Variants in SNTG2 observed in about 807,000 individuals in gnomAD.
SNTG2 encodes syntrophin gamma 2, also known as gamma-2-syntrophin.
A neutral mutation model predicts 70.9 loss-of-function variants in SNTG2; 74 were observed. That is an observed-to-expected ratio of 1.04 (90% CI 0.86 to 1.27). The LOEUF is 1.27. Among genes scored for constraint, SNTG2 ranks in the 50% most tolerant of loss-of-function variants. The pLI, the probability that SNTG2 is intolerant of heterozygous loss-of-function variation, is 0.00. For missense variants in SNTG2, 717 were observed against 690.7 expected (o/e 1.04, Z -0.43); for synonymous variants, 278 against 273.8 (o/e 1.02, Z -0.15).
At chr2:1,233,740 G>A (rs1299299731) in intron 9 of SNTG2, among the ~76,000 whole-genome samples, 2 of 152,216 alleles carry the variant, frequency 1.3e-5, no homozygotes, top group Admixed American at 6.5e-5. Context: ...TCACTTTCTA[G>A]AGTATAAGTC....
intron 9 of SNTG2, among the ~76,000 whole-genome samples, chr2:1,214,186 G>A (rs1490477331): frequency 6.6e-6 from 1 of 152,160 alleles, no homozygotes; most frequent in Non-Finnish European, 1.5e-5. Flanking sequence ...GTAGTGTGAT[G>A]CCTCCATCTT....
At chr2:1,245,554 C>T (rs1168959805) in intron 11 of SNTG2, among the ~76,000 whole-genome samples, 1 of 152,194 alleles carries the variant, frequency 6.6e-6, no homozygotes, top group Admixed American at 6.5e-5. Flanking sequence ...GAATTAATCA[C>T]GCATTGAATT....
At chr2:1,183,441 A>G (rs1479719901) in intron 8 of SNTG2, among the ~76,000 whole-genome samples, 1 of 152,138 alleles carries the variant, frequency 6.6e-6, no homozygotes, top group Non-Finnish European at 1.5e-5. Context: ...CAGTTTTTCA[A>G]ACAGGTTGTA....
intron 4 of SNTG2, among the ~76,000 whole-genome samples, chr2:1,130,893 C>A (rs1289365562): frequency 3.9e-5 from 6 of 152,148 alleles, no homozygotes; most frequent in African/African-American, 1.4e-4. Context: ...TTTCATTCGC[C>A]GCAGATAGCT....
At chr2:1,312,312 C>A (rs1695042160) in intron 15 of SNTG2, among the ~76,000 whole-genome samples, 1 of 152,164 alleles carries the variant, frequency 6.6e-6, no homozygotes, top group Admixed American at 6.5e-5. Flanking sequence ...CTGCCCCGTC[C>A]AAGCGCAGTC....
intron 1 of SNTG2, among the ~76,000 whole-genome samples, chr2:1,034,417 G>A (rs1661017459): frequency 6.6e-6 from 1 of 152,156 alleles, no homozygotes; most frequent in Non-Finnish European, 1.5e-5. Context: ...TTGAACATAT[G>A]CATGCATACA....
chr2:1,296,338 A>T (rs550689330), intron 14 of SNTG2, among the ~76,000 whole-genome samples: 15 of 152,320 alleles, frequency 9.8e-5, no homozygotes, highest in African/African-American at 2.6e-4. Flanking sequence ...TATAAAACTT[A>T]TACATATTTT....
intron 11 of SNTG2, among the ~76,000 whole-genome samples, chr2:1,243,212 A>G (rs1227469801): frequency 1.3e-5 from 2 of 152,202 alleles, no homozygotes; most frequent in African/African-American, 2.4e-5. Flanking sequence ...ACTCCTTAAT[A>G]CATAACTCTC....
chr2:1,306,398 T>C (rs551257820), intron 14 of SNTG2, among the ~76,000 whole-genome samples: 2 of 152,300 alleles, frequency 1.3e-5, no homozygotes, highest in Admixed American at 1.3e-4. Flanking sequence ...CTACTGTGTT[T>C]GTGACAATCT....
intron 1 of SNTG2, among the ~76,000 whole-genome samples, chr2:965,195 TCC>T (rs1660501387): frequency 1.7e-5 from 1 of 58,852 alleles, no homozygotes; most frequent in East Asian, 5.3e-4. Context: ...TGGTCCCCAG[TCC>T]TCCTCCTGGT....
At chr2:1,347,730 G>A (rs9750172) in intron 16 of SNTG2, among the ~76,000 whole-genome samples, 114,004 of 152,148 alleles carry the variant, frequency 0.75, 43,148 homozygotes, top group East Asian at 0.94. Flanking sequence ...GGAGTCAGCT[G>A]TGTGAGGTTT....
At position 1,228,517 on chromosome 2, in the gene SNTG2, A is replaced by C. The variant is rs1428308803; in HGVS notation, c.720-9371A>C. Among the ~76,000 whole-genome samples, 3 of 152,132 alleles carry C rather than the reference A, an allele frequency of 2.0e-5. No homozygotes were observed. The East Asian group carries it at 5.8e-4, about 29-fold the overall frequency. On this transcript the variant is annotated intron_variant, in intron 9 of 16. Coordinates refer to ENST00000308624, the MANE Select transcript of SNTG2 (RefSeq NM_018968.4). ...GCTCTGGGCTTCCTTTTATCAACAGATCTCAACATTTTCTCACGTTACTTA... is the reference window on the plus strand; with the variant it reads ...GCTCTGGGCTTCCTTTTATCAACAGCTCTCAACATTTTCTCACGTTACTTA...
At chr2:1,240,954 G>A (rs1034122766) in intron 11 of SNTG2, among the ~76,000 whole-genome samples, 1 of 151,946 alleles carries the variant, frequency 6.6e-6, no homozygotes, top group Non-Finnish European at 1.5e-5. Context: ...ATGTGTTTTT[G>A]AAACAGAAGT....
At chr2:956,310 T>A in intron 1 of SNTG2, among the ~76,000 whole-genome samples, 1 of 151,200 alleles carries the variant, frequency 6.6e-6, no homozygotes, top group East Asian at 2.0e-4. Context: ...CTGCTGGGCA[T>A]TCTGCGCGGA....
intron 1 of SNTG2, among the ~76,000 whole-genome samples, chr2:1,068,760 ATATAT>A (rs1663324155): frequency 6.6e-6 from 1 of 152,218 alleles, no homozygotes; most frequent in Admixed American, 6.5e-5. Flanking sequence ...ATTTTATTTT[ATATAT>A]TCAGAATGGC....
chr2:1,155,727 C>T (rs62106018), intron 6 of SNTG2, among the ~76,000 whole-genome samples: 1,998 of 152,238 alleles, frequency 0.013, 35 homozygotes, highest in South Asian at 0.06. Context: ...TCCCAATCAC[C>T]CCCAAGCTTG....
chr2:1,115,732 C>T (rs78389930), intron 4 of SNTG2, among the ~76,000 whole-genome samples: 1 of 117,294 alleles, frequency 8.5e-6, no homozygotes, highest in Admixed American at 9.2e-5. Context: ...GATGTTTAAG[C>T]CTCAGAGTCC....
At chr2:1,230,191 A>T (rs6548210) in intron 9 of SNTG2, among the ~76,000 whole-genome samples, 152,134 of 152,358 alleles carry the variant, frequency 1, 75,955 homozygotes, top group Middle Eastern at 1. Flanking sequence ...TTAATGATGA[A>T]GTTTTATTCT....
intron 4 of SNTG2, among the ~76,000 whole-genome samples, chr2:1,125,128 A>G (rs1023119941): frequency 2.0e-5 from 3 of 152,206 alleles, no homozygotes; most frequent in African/African-American, 4.8e-5. Context: ...AATTTGAATC[A>G]ACACCAGCAT....
Sources: allele counts gnomAD v4.1 joint callset (sites outside exome capture counted in the v4.1 genomes callset), GRCh38; gene constraint gnomAD v4.1.1; transcripts MANE v1.5; gene names NCBI Gene and HGNC (gene_info 2026-07-23, HGNC 2026-07-21).